SAMSN1: variants seen among roughly 807,000 people sequenced by gnomAD.
The protein encoded by SAMSN1 is SAM domain-containing protein SAMSN-1.
A neutral mutation model predicts 42.0 loss-of-function variants in SAMSN1; 31 were observed. The observed-to-expected ratio is 0.74, with a 90% CI of 0.55 to 1.00. The LOEUF (loss-of-function observed/expected upper bound fraction) is 1.00, where lower values mean the gene tolerates loss of function less well. Among genes scored for constraint, SAMSN1 ranks in the 50% least tolerant of loss-of-function variants. The pLI is 0.00. For synonymous variants in SAMSN1, 178 were observed against 151.9 expected, an observed-to-expected ratio of 1.17 and a Z score of -1.26; for missense variants, 464 against 439.4, an observed-to-expected ratio of 1.06 and a Z score of -0.50.
chr21:14,608,226 T>C (rs1256344020), intron 5 of SAMSN1, among the ~76,000 whole-genome samples: 1 of 152,204 alleles, frequency 6.6e-6, no homozygotes, highest in Non-Finnish European at 1.5e-5. Context: ...GGAAAGGTGG[T>C]TTTGGATTGC....
intron 6 of SAMSN1, among the ~76,000 whole-genome samples, chr21:14,499,495 A>C (rs1987048714): frequency 7.5e-6 from 1 of 132,782 alleles, no homozygotes; most frequent in African/African-American, 3.3e-5. Flanking sequence ...TTTTAACAAA[A>C]AAAAAAAAAA....
chr21:14,532,383 T>A (rs993195254), intron 1 of SAMSN1, among the ~76,000 whole-genome samples: 2 of 152,194 alleles, frequency 1.3e-5, no homozygotes, highest in Non-Finnish European at 2.9e-5. Flanking sequence ...GGCAAATATA[T>A]GGTATGTCAT....
chr21:14,644,665 T>C (rs1983677759), intron 1 of SAMSN1, among the ~76,000 whole-genome samples: 2 of 152,204 alleles, frequency 1.3e-5, no homozygotes, highest in Admixed American at 1.3e-4. Flanking sequence ...GACTTTATCT[T>C]GCACTTTAGG....
intron 1 of SAMSN1, among the ~76,000 whole-genome samples, chr21:14,528,564 T>G (rs1290339286): frequency 2.0e-5 from 3 of 152,238 alleles, no homozygotes; most frequent in African/African-American, 7.2e-5. Flanking sequence ...AAATGGTATT[T>G]GCTCATTGCT....
chr21:14,611,286 C>T (rs913687245), intron 4 of SAMSN1, among the ~76,000 whole-genome samples: 5 of 152,154 alleles, frequency 3.3e-5, no homozygotes, highest in African/African-American at 1.2e-4. Flanking sequence ...CAGCTTTGTC[C>T]TCCCAACATC....
chr21:14,653,945 A>G (rs460643), intron 1 of SAMSN1, among the ~76,000 whole-genome samples: 119,396 of 151,676 alleles, frequency 0.79, 47,236 homozygotes, highest in Middle Eastern at 0.9. Flanking sequence ...TACAGTCAAG[A>G]AATTAATATT....
At chr21:14,528,939 G>C (rs144886595) in intron 1 of SAMSN1, among the ~76,000 whole-genome samples, 25 of 152,162 alleles carry the variant, frequency 1.6e-4, no homozygotes, top group Admixed American at 1.2e-3. Context: ...TCTGAGTTAG[G>C]CATTAACTTC....
At chr21:14,658,065 T>G (rs1452594236) in intron 1 of SAMSN1, among the ~76,000 whole-genome samples, 1 of 151,838 alleles carries the variant, frequency 6.6e-6, no homozygotes, top group East Asian at 1.9e-4. Flanking sequence ...ATAAAATTAT[T>G]TTTGAAATCC....
chr21:14,587,078 T>G (rs1981940747), upstream of SAMSN1, among the ~76,000 whole-genome samples: 1 of 152,164 alleles, frequency 6.6e-6, no homozygotes, highest in African/African-American at 2.4e-5. Context: ...ACAACTTGGT[T>G]TACAGTTTTG....
At chr21:14,544,302 C>A (rs73161257) in intron 1 of SAMSN1, among the ~76,000 whole-genome samples, 2 of 152,192 alleles carry the variant, frequency 1.3e-5, no homozygotes, top group African/African-American at 4.8e-5. Flanking sequence ...TTACGCACCT[C>A]GGCCCTGCAA....
At chr21:14,570,222 T>C (rs1981256984) in intron 2 of SAMSN1, among the ~76,000 whole-genome samples, 1 of 152,204 alleles carries the variant, frequency 6.6e-6, no homozygotes, top group Non-Finnish European at 1.5e-5. Context: ...AGAGAGAGAA[T>C]TTATGAGTTC....
chr21:14,617,705 A>G (rs1253830257), intron 2 of SAMSN1, among the ~76,000 whole-genome samples: 1 of 152,260 alleles, frequency 6.6e-6, no homozygotes, highest in Admixed American at 6.5e-5. Context: ...GCAATAAGGA[A>G]TATGGGAAAC....
chr21:14,499,460 T>A lies in SAMSN1; in HGVS notation c.769-868A>T, dbSNP rs185236657. Among the ~76,000 whole-genome samples the A allele has an allele frequency of 1.4e-3, 191 of 135,298 alleles. 5 individuals carry two copies. Among genetic ancestry groups the A allele is most frequent in the Non-Finnish European group, 1.2e-3 (75 of 63,292 alleles). 88.8% of individuals were successfully genotyped at this position (135,298 alleles called of 152,430 possible). Reference sequence around the variant, plus strand: ...GAGGAAGTCTAAAAGTTTTAAGTAATCAGGGAGAACTTATGACCACCCCTT... The same window carrying A: ...GAGGAAGTCTAAAAGTTTTAAGTAAACAGGGAGAACTTATGACCACCCCTT... On this transcript the variant is annotated intron_variant, in intron 6 of 7. Coordinates refer to ENST00000400566, the MANE Select transcript of SAMSN1 (RefSeq NM_022136.5).
intron 2 of SAMSN1, among the ~76,000 whole-genome samples, chr21:14,628,053 G>A (rs899367154): frequency 6.6e-6 from 1 of 152,000 alleles, no homozygotes; most frequent in African/African-American, 2.4e-5. Flanking sequence ...TATTTTTATA[G>A]TAATAGAAAG....
chr21:14,637,826 C>T (rs923125166), intron 2 of SAMSN1, among the ~76,000 whole-genome samples: 7 of 152,280 alleles, frequency 4.6e-5, no homozygotes, highest in African/African-American at 1.7e-4. Context: ...CTGGGGCCGG[C>T]TTAACACAAA....
chr21:14,623,289 T>C (rs1243753071), intron 2 of SAMSN1, among the ~76,000 whole-genome samples: 1 of 152,130 alleles, frequency 6.6e-6, no homozygotes. Context: ...TAAATGTAAA[T>C]GGGTTAAATG....
chr21:14,644,372 C>A (rs1162813059), intron 1 of SAMSN1, among the ~76,000 whole-genome samples: 1 of 152,022 alleles, frequency 6.6e-6, no homozygotes, highest in African/African-American at 2.4e-5. Context: ...ATGAGGTACC[C>A]CCCTTCCGGG....
chr21:14,557,367 T>C (rs1024660456), intron 2 of SAMSN1, among the ~76,000 whole-genome samples: 4 of 152,162 alleles, frequency 2.6e-5, no homozygotes, highest in Non-Finnish European at 5.9e-5. Context: ...GAGAGAGTCT[T>C]AACAAATACT....
At chr21:14,620,138 G>T (rs1448946823) in intron 2 of SAMSN1, among the ~76,000 whole-genome samples, 9 of 152,162 alleles carry the variant, frequency 5.9e-5, no homozygotes, top group Non-Finnish European at 1.3e-4. Context: ...GAAAGTCAGA[G>T]ATATCTTCCT....
Sources: allele counts gnomAD v4.1 joint callset (sites outside exome capture counted in the v4.1 genomes callset), GRCh38; gene constraint gnomAD v4.1.1; transcripts MANE v1.5; gene names NCBI Gene and HGNC (gene_info 2026-07-23, HGNC 2026-07-21).